Variants in CCSER2 observed in about 807,000 individuals in gnomAD.
CCSER2 encodes the protein serine-rich coiled-coil domain-containing protein 2.
A neutral mutation model predicts 92.3 loss-of-function variants in CCSER2; 46 were observed. That is an observed-to-expected ratio of 0.50 (90% CI 0.39 to 0.64). The LOEUF is 0.64. CCSER2 is among the 30% of genes least tolerant of loss of function. CCSER2 has a pLI of 0.00. For missense variants in CCSER2, 1,244 were observed against 1,238.9 expected (o/e 1.00, Z -0.06); for synonymous variants, 433 against 431.4 (o/e 1.00, Z -0.04).
chr10:84,441,215 T>C (rs1277672686), intron 6 of CCSER2, among the ~76,000 whole-genome samples: 1 of 152,192 alleles, frequency 6.6e-6, no homozygotes, highest in African/African-American at 2.4e-5. Flanking sequence ...TTTTTTGTTA[T>C]ACGTTTTTCT....
rs1040414900 is a variant in CCSER2 at position 84,449,337 on chromosome 10, T to G, written c.2064+10630T>G. On this transcript the variant is annotated intron_variant, in intron 6 of 9. Transcript: ENST00000372088. ...TTGCAGCGAGCTGAGATCATACCAG[T>G]GCACTCCAGCCTGGGCAACAGAGTA... Among the ~76,000 whole-genome samples, 3 of 152,176 alleles carry G rather than the reference T, an allele frequency of 2.0e-5. No homozygotes were observed. In the East Asian group the frequency reaches 5.8e-4, roughly 30 times the overall value.
At chr10:84,490,912 G>C (rs1486733766) in intron 9 of CCSER2, among the ~76,000 whole-genome samples, 2 of 152,164 alleles carry the variant, frequency 1.3e-5, no homozygotes, top group African/African-American at 2.4e-5. Context: ...CGACAGATGG[G>C]ATTTTGGTGT....
At chr10:84,471,690 G>A (rs892270062) in intron 8 of CCSER2, among the ~76,000 whole-genome samples, 2 of 152,084 alleles carry the variant, frequency 1.3e-5, no homozygotes, top group Non-Finnish European at 2.9e-5. Context: ...AAACTAAGTG[G>A]TGTAAACTTC....
intron 6 of CCSER2, among the ~76,000 whole-genome samples, chr10:84,446,589 G>GA (rs960908446): frequency 6.6e-6 from 1 of 150,720 alleles, no homozygotes; most frequent in Non-Finnish European, 1.5e-5. Flanking sequence ...ATCACTCCAG[G>GA]AAAAAAAGGA....
At chr10:84,364,983 C>A (rs1486297111) in intron 1 of CCSER2, among the ~76,000 whole-genome samples, 1 of 152,024 alleles carries the variant, frequency 6.6e-6, no homozygotes, top group Non-Finnish European at 1.5e-5. Context: ...CTCAGGTGAT[C>A]TACATGCTTC....
intron 7 of CCSER2, among the ~76,000 whole-genome samples, chr10:84,464,345 C>A (rs1417021119): frequency 6.6e-6 from 1 of 151,836 alleles, no homozygotes; most frequent in African/African-American, 2.4e-5. Context: ...ATATAAATCC[C>A]AAAATTGAAG....
Position 84,473,402 on chromosome 10 carries a change from G to C in CCSER2, c.2235+2944G>C, listed in dbSNP as rs570796560. ...TATTTTCTTTACAGTTCATGTAAAGGCTAATGTTAGTGTGGTTTTCTCAAC... is the reference window on the plus strand; with the variant it reads ...TATTTTCTTTACAGTTCATGTAAAGCCTAATGTTAGTGTGGTTTTCTCAAC... On this transcript the variant is annotated intron_variant, in intron 8 of 9. Transcript: ENST00000372088. 2.0e-5 allele frequency among the ~76,000 whole-genome samples: 3 copies of C among 152,212 alleles called. No individual in the cohort carries two copies. In the South Asian group the frequency reaches 6.2e-4, roughly 32 times the overall value.
At chr10:84,456,457 C>T (rs755973266) in intron 6 of CCSER2, among the ~76,000 whole-genome samples, 2 of 152,096 alleles carry the variant, frequency 1.3e-5, no homozygotes, top group African/African-American at 2.4e-5. Context: ...TATTTTAATG[C>T]TACCAGTTTG....
intron 9 of CCSER2, among the ~76,000 whole-genome samples, chr10:84,492,251 G>C (rs570663908): frequency 2.1e-3 from 313 of 151,046 alleles, no homozygotes; most frequent in Middle Eastern, 0.014. Flanking sequence ...CTGCACTCCA[G>C]CCTGGGTGGC....
intron 6 of CCSER2, 62 bp downstream of exon 6, chr10:84,438,769 G>C: frequency 9.6e-7 from 1 of 1,039,838 alleles, no homozygotes; most frequent in Non-Finnish European, 1.4e-6. Flanking sequence ...ATTGACTTTA[G>C]TTTTTTTTAA....
At chr10:84,401,487 A>C (rs896842784) in intron 3 of CCSER2, among the ~76,000 whole-genome samples, 3 of 152,186 alleles carry the variant, frequency 2.0e-5, no homozygotes, top group African/African-American at 7.2e-5. Flanking sequence ...AACTTCACCC[A>C]AGTTGAAATA....
intron 3 of CCSER2, among the ~76,000 whole-genome samples, chr10:84,394,456 T>A (rs1042315775): frequency 6.6e-6 from 1 of 150,420 alleles, no homozygotes; most frequent in Non-Finnish European, 1.5e-5. Flanking sequence ...AAGAGGAAGT[T>A]AACTTGTGAG....
chr10:84,350,466 C>T (rs1016013679), intron 1 of CCSER2, among the ~76,000 whole-genome samples: 2 of 151,988 alleles, frequency 1.3e-5, no homozygotes, highest in Non-Finnish European at 2.9e-5. Context: ...TTTTTGTATA[C>T]CTAGCACATT....
At chr10:84,366,404 T>C (rs902461140) in intron 1 of CCSER2, among the ~76,000 whole-genome samples, 4 of 152,226 alleles carry the variant, frequency 2.6e-5, no homozygotes, top group African/African-American at 7.2e-5. Context: ...TTTGTAGTCC[T>C]GTAGCTGGCC....
intron 5 of CCSER2, among the ~76,000 whole-genome samples, chr10:84,430,153 T>C (rs1297080334): frequency 6.6e-6 from 1 of 152,100 alleles, no homozygotes; most frequent in Non-Finnish European, 1.5e-5. Flanking sequence ...TCCCTGTAAG[T>C]AGTTTGCAGC....
intron 3 of CCSER2, among the ~76,000 whole-genome samples, chr10:84,385,273 A>G (rs969509675): frequency 6.6e-6 from 1 of 152,166 alleles, no homozygotes; most frequent in African/African-American, 2.4e-5. Flanking sequence ...TTCAAGTGGA[A>G]CCAAAAAAAC....
intron 9 of CCSER2, among the ~76,000 whole-genome samples, chr10:84,488,434 T>C (rs188883351): frequency 2.6e-4 from 39 of 152,328 alleles, no homozygotes; most frequent in African/African-American, 7.7e-4. Flanking sequence ...TGTTGGTCTA[T>C]TCAGGGATTC....
intron 5 of CCSER2, among the ~76,000 whole-genome samples, chr10:84,431,488 C>T (rs1843760294): frequency 1.3e-5 from 2 of 152,046 alleles, no homozygotes; most frequent in Non-Finnish European, 2.9e-5. Flanking sequence ...TGCCTGCAGT[C>T]TCAGCACTTT....
intron 9 of CCSER2, among the ~76,000 whole-genome samples, chr10:84,489,143 A>T (rs1224407838): frequency 6.6e-6 from 1 of 152,180 alleles, no homozygotes. Flanking sequence ...TTTGCTGAGG[A>T]GTGCTTCACT....
Sources: allele counts gnomAD v4.1 joint callset (sites outside exome capture counted in the v4.1 genomes callset), GRCh38; gene constraint gnomAD v4.1.1; transcripts MANE v1.5; gene names NCBI Gene and HGNC (gene_info 2026-07-23, HGNC 2026-07-21).